SUN1: variants seen among roughly 807,000 people sequenced by gnomAD.
SUN1 encodes the protein SUN domain-containing protein 1.
SUN1 carries 61 observed loss-of-function variants against 103.2 expected under a neutral mutation model. The observed-to-expected ratio is 0.59, with a 90% CI of 0.48 to 0.73. SUN1 has a LOEUF of 0.73. Among genes scored for constraint, SUN1 ranks in the 30% least tolerant of loss-of-function variants. The pLI, the probability that SUN1 is intolerant of heterozygous loss-of-function variation, is 0.00. For synonymous variants in SUN1, 490 were observed against 425.7 expected, an observed-to-expected ratio of 1.15 and a Z score of -1.86; for missense variants, 1,052 against 1,034.6, an observed-to-expected ratio of 1.02 and a Z score of -0.23.
rs764139344 is a variant in SUN1, at chr7:860,167, T to G, written c.1564T>G (p.Ser522Ala). 2 of 1,614,108 alleles carry G rather than the reference T, an allele frequency of 1.2e-6. No homozygotes were observed. The highest frequency in any genetic ancestry group is 1.3e-5 in the African/African-American group (1 of 74,946). The change falls in exon 14 of 19, where the codon TCC (serine) becomes GCC (alanine). Residue 522 changes from serine (S) to alanine (A), a missense_variant. Coordinates refer to ENST00000401592, the MANE Select transcript of SUN1 (RefSeq NM_001130965.3). Reference sequence around the variant, plus strand: ...CAGAGAAATGGTGAAACTCCTGTTTTCCGAAGATCAGCAAGGCGGTTCTCT... The same window carrying G: ...CAGAGAAATGGTGAAACTCCTGTTTGCCGAAGATCAGCAAGGCGGTTCTCT... Reference protein sequence around the residue: ...QVREMVKLLFSEDQQGGSLEQ... With the variant: ...QVREMVKLLFAEDQQGGSLEQ...
At position 856,606 on chromosome 7, in the gene SUN1, G is replaced by A. The variant is rs7801760; in HGVS notation, c.1394+205G>A. Among the ~76,000 whole-genome samples, 24,231 of 152,148 alleles carry A rather than the reference G, an allele frequency of 0.16. 2,052 individuals are homozygous for A. The highest frequency in any genetic ancestry group is 0.24 in the South Asian group (1,159 of 4,812). ...CGGGGCTTGCCACATCCCCCTCCAC[G>A]CGGCGTGGACCTCTGTAGTTAGCAC... On this transcript the variant is annotated intron_variant, in intron 12 of 18. Transcript: ENST00000401592.
intron 17 of SUN1, among the ~76,000 whole-genome samples, chr7:870,572 C>G (rs1292840040): frequency 1.3e-5 from 2 of 151,956 alleles, no homozygotes; most frequent in Non-Finnish European, 2.9e-5. Context: ...GGCAACAGAG[C>G]AAGACTCTGT....
intron 16 of SUN1, chr7:868,977 T>G (rs1585301794): frequency 3.1e-6 from 1 of 319,306 alleles, no homozygotes; most frequent in Non-Finnish European, 6.1e-6. Context: ...CCCTGTGGTG[T>G]TGGTCGGATG....
At chr7:861,994 G>C (rs939067974) in intron 15 of SUN1, among the ~76,000 whole-genome samples, 1 of 152,230 alleles carries the variant, frequency 6.6e-6, no homozygotes, top group Non-Finnish European at 1.5e-5. Flanking sequence ...TTGAAAATCA[G>C]CATCGCAGCT....
Position 851,473 on chromosome 7 carries a change from G to T in SUN1, c.748G>T (p.Val250Phe), listed in dbSNP as rs1562696580. 2 of 1,604,924 alleles carry T rather than the reference G, an allele frequency of 1.2e-6. No homozygotes were observed. The highest frequency in any genetic ancestry group is 1.7e-6 in the Non-Finnish European group (2 of 1,175,712). Residue 250 changes from valine (V) to phenylalanine (F), a missense_variant, in exon 6 of 19, where the codon GTT (valine) becomes TTT (phenylalanine). By Grantham distance (50) the Val-to-Phe change is conservative (BLOSUM62 -1). Transcript: ENST00000401592. ...GTGGTCGGCCCTTTGGCTGGCCGTG[G>T]TTGCTCCAGGTGGCTATTTTGGGTT... ...TAWSALWLAV[V>F]APGKAASGVF...
chr7:843,725 A>G lies in SUN1; in HGVS notation c.658+205A>G, dbSNP rs1261209534. 2.1e-6 allele frequency: 3 copies of G among 1,428,582 alleles called. No homozygotes were observed. The East Asian group carries it at 7.8e-5, about 37-fold the overall frequency. 88.5% of individuals were successfully genotyped at this position (1,428,582 alleles called of 1,614,324 possible). A position where few individuals can be genotyped will look rare whatever the true frequency, so the allele number is the denominator to read the frequency against. ...TGTGGTTAGTAATTTTGTACCTAAAAGTATTTGAAATTCTATAAATTTGGA... is the reference window on the plus strand; with the variant it reads ...TGTGGTTAGTAATTTTGTACCTAAAGGTATTTGAAATTCTATAAATTTGGA... On this transcript the variant is annotated intron_variant, in intron 5 of 18. Coordinates refer to ENST00000401592, the MANE Select transcript of SUN1 (RefSeq NM_001130965.3).
rs1385522559 is a variant in SUN1, at chr7:843,428, G to A, written c.566G>A (p.Ser189Asn). 6.2e-7 allele frequency: 1 copy of A among 1,614,050 alleles called. No homozygotes were observed. ...AACGGCTTCTCCTGCAGCAACTGCAGCATGCTGTCCGAGCGCAAGGACGTG... is the reference window on the plus strand; with the variant it reads ...AACGGCTTCTCCTGCAGCAACTGCAACATGCTGTCCGAGCGCAAGGACGTG... The part of the protein sequence containing the change: ...AHNGFSCSNC[S>N]MLSERKDVLT... The change falls in exon 5 of 19, where the codon AGC (serine) becomes AAC (asparagine). Residue 189 changes from serine to asparagine, a missense_variant. Ser to Asn is a conservative substitution (Grantham distance 46). This residue lies in a region of SUN1 where 846 missense variants were observed against 774.5 expected (regional missense o/e 1.09). Coordinates refer to ENST00000401592, the MANE Select transcript of SUN1 (RefSeq NM_001130965.3).
intron 13 of SUN1, 110 bp from the exon 14 acceptor site, chr7:860,018 A>G: frequency 7.4e-7 from 1 of 1,349,862 alleles, no homozygotes; most frequent in Non-Finnish European, 1.0e-6. Flanking sequence ...ATGACATTCT[A>G]GATTTTGAGA....
intron 5 of SUN1, among the ~76,000 whole-genome samples, chr7:847,481 G>A (rs1346913874): frequency 4.5e-5 from 5 of 111,992 alleles, no homozygotes; most frequent in African/African-American, 1.7e-4. Flanking sequence ...GTCCCCTGGG[G>A]GTTACCCCAC....
At chr7:820,384 C>G (rs900432497) in intron 1 of SUN1, among the ~76,000 whole-genome samples, 2 of 152,144 alleles carry the variant, frequency 1.3e-5, no homozygotes, top group African/African-American at 4.8e-5. Context: ...TTGTTCATTG[C>G]TAGTGTGTAG....
chr7:848,406 G>GT (rs755209653), intron 5 of SUN1: 4 of 1,349,492 alleles, frequency 3.0e-6, no homozygotes, highest in Admixed American at 4.3e-5. Context: ...CATGTTCATG[G>GT]TTTTTTAATA....
intron 3 of SUN1, 114 bp downstream of exon 3, chr7:842,244 G>A: frequency 8.5e-7 from 1 of 1,174,422 alleles, no homozygotes; most frequent in South Asian, 1.5e-5. Context: ...TTATGCTAGG[G>A]AGAGGGAGGC....
At position 873,614 on chromosome 7, in the gene SUN1, C is replaced by G; in HGVS notation, c.*283C>G. The G allele has an allele frequency of 2.9e-6, 1 of 347,122 alleles. No homozygotes were observed. The highest frequency in any genetic ancestry group is 5.3e-6 in the Non-Finnish European group (1 of 189,038). The allele number at this position is 347,122 out of a possible 1,614,324, so 21.5% of individuals were successfully genotyped here. On this transcript the variant is annotated 3_prime_UTR_variant, in exon 19 of 19. Transcript: ENST00000401592. Reference sequence around the variant, plus strand: ...TTTAACGGGAAGCTCTTTGCATTTGCATTTCCTCAACAAAGGAGCAAAGCA... The same window carrying G: ...TTTAACGGGAAGCTCTTTGCATTTGGATTTCCTCAACAAAGGAGCAAAGCA...
Position 852,844 on chromosome 7 carries a change from T to G in SUN1, c.945T>G (p.Phe315Leu), listed in dbSNP as rs760512224. ...GLSLRGQGNF[F>L]SFLPVLNWAS... is the part of the protein sequence containing the mutation. Reference sequence around the variant, plus strand: ...CCTTACGGGGCCAGGGCAATTTCTTTTCGTTCTTGCCCGTGTTGAACTGGG... The same window carrying G: ...CCTTACGGGGCCAGGGCAATTTCTTGTCGTTCTTGCCCGTGTTGAACTGGG... The change falls in exon 9 of 19, where the codon TTT (phenylalanine) becomes TTG (leucine). Residue 315 changes from phenylalanine (F) to leucine (L), a missense_variant. Physicochemically the swap from Phe to Leu is conservative, Grantham distance 22. This residue lies in a region of SUN1 where 846 missense variants were observed against 774.5 expected (regional missense o/e 1.09). Coordinates refer to ENST00000401592, the MANE Select transcript of SUN1 (RefSeq NM_001130965.3). 2 of 1,613,726 alleles carry G rather than the reference T, an allele frequency of 1.2e-6. No individual in the cohort carries two copies. The highest frequency in any genetic ancestry group is 3.3e-5 in the Admixed American group (2 of 59,978).
chr7:824,861 G>A (rs951266230), intron 1 of SUN1, among the ~76,000 whole-genome samples: 3 of 152,084 alleles, frequency 2.0e-5, no homozygotes, highest in African/African-American at 4.8e-5. Context: ...GGGCGGGTGC[G>A]GGGTGGGGGC....
upstream of SUN1, among the ~76,000 whole-genome samples, chr7:829,680 G>C (rs10215355): frequency 6.6e-6 from 1 of 150,878 alleles, no homozygotes. Context: ...TCAGCCTCCC[G>C]AGTACCTGGG....
intron 14 of SUN1, 133 bp from the exon 15 acceptor site, chr7:861,247 C>T: frequency 2.4e-6 from 2 of 850,418 alleles, no homozygotes; most frequent in Non-Finnish European, 3.8e-6. Flanking sequence ...TTCTGCCATG[C>T]CTAGGAACCC....
upstream of SUN1, among the ~76,000 whole-genome samples, chr7:829,861 T>C (rs1461836955): frequency 6.6e-6 from 1 of 152,200 alleles, no homozygotes; most frequent in East Asian, 1.9e-4. Flanking sequence ...GCCATAACTG[T>C]TCTTTTTTAA....
In SUN1 at chr7:869,535, C is replaced by T. The variant is rs1839868229; in HGVS notation, c.2148+19C>T. 6.2e-7 allele frequency: 1 copy of T among 1,606,790 alleles called. No homozygotes were observed. Among genetic ancestry groups the T allele is most frequent in the Non-Finnish European group, 8.5e-7 (1 of 1,175,214 alleles). ...CGTCTATGTGAGTGCCCTTGGCCGA[C>T]CCTCCTCCTCCCACACCTTCCTGGG... On this transcript the variant is annotated intron_variant, in intron 17 of 18. Coordinates refer to ENST00000401592, the MANE Select transcript of SUN1 (RefSeq NM_001130965.3).
Sources: gnomAD v4.1 joint callset for allele counts (sites outside exome capture counted in the v4.1 genomes callset) on GRCh38, gnomAD v4.1.1 for gene constraint, gnomAD v4.1.1 regional missense constraint, MANE v1.5 for transcripts, NCBI Gene and HGNC (gene_info 2026-07-23, HGNC 2026-07-21) for gene names.